GRIA1: variants seen among roughly 807,000 people sequenced by gnomAD.
The protein encoded by GRIA1 is glutamate receptor 1.
Under a neutral mutation model 99.2 loss-of-function variants are expected in GRIA1, and 31 were observed. That is an observed-to-expected ratio of 0.31 (90% CI 0.23 to 0.42). GRIA1 has a LOEUF of 0.42. GRIA1 is among the 10% of genes least tolerant of loss of function. The pLI is 1.00. For synonymous variants in GRIA1, 438 were observed against 432.4 expected (o/e 1.01, Z -0.16); for missense variants, 782 against 1,157.5 (o/e 0.68, Z 4.71).
intron 11 of GRIA1, among the ~76,000 whole-genome samples, chr5:153,709,638 C>G (rs919668599): frequency 3.3e-5 from 5 of 152,144 alleles, no homozygotes; most frequent in African/African-American, 9.7e-5. Context: ...ATTATCTTGG[C>G]CTTTTCTTCT....
At chr5:153,709,377 T>C (rs1759148529) in intron 11 of GRIA1, among the ~76,000 whole-genome samples, 1 of 152,232 alleles carries the variant, frequency 6.6e-6, no homozygotes, top group Non-Finnish European at 1.5e-5. Flanking sequence ...TTCATCTGAA[T>C]TGCATATATC....
At chr5:153,631,199 G>C (rs1249464614) in intron 2 of GRIA1, among the ~76,000 whole-genome samples, 1 of 152,184 alleles carries the variant, frequency 6.6e-6, no homozygotes, top group Non-Finnish European at 1.5e-5. Flanking sequence ...TAATCAATGA[G>C]CTAATAAATG....
In GRIA1 at chr5:153,548,868, A is replaced by C. The variant is rs151210918; in HGVS notation, c.220+54803A>C. On this transcript the variant is annotated intron_variant, in intron 2 of 15. Coordinates refer to ENST00000285900, the MANE Select transcript of GRIA1 (RefSeq NM_000827.4). ...GTGTATGCACAGTTTTTCATTCTTCACTGTTATTATATTATGAGCATCTTT... is the reference window on the plus strand; with the variant it reads ...GTGTATGCACAGTTTTTCATTCTTCCCTGTTATTATATTATGAGCATCTTT... Among the ~76,000 whole-genome samples the C allele has an allele frequency of 7.2e-3, 1,088 of 152,126 alleles. 6 individuals are homozygous for C. The highest frequency in any genetic ancestry group is 0.011 in the Non-Finnish European group (747 of 67,990).
chr5:153,619,237 C>A (rs1766800102), intron 2 of GRIA1, among the ~76,000 whole-genome samples: 1 of 152,156 alleles, frequency 6.6e-6, no homozygotes, highest in Non-Finnish European at 1.5e-5. Context: ...GGGGCCATGT[C>A]TCCTATGAGT....
At chr5:153,686,177 A>G (rs200910192) in intron 7 of GRIA1, 48 bp from the exon 8 acceptor site, 8 of 1,346,916 alleles carry the variant, frequency 5.9e-6, no homozygotes, top group Admixed American at 1.7e-5. Flanking sequence ...GCAAACACAC[A>G]TAAAGTACAT....
rs139886114 is a variant in GRIA1, at chr5:153,591,936, G to A, written c.221-54992G>A. On this transcript the variant is annotated intron_variant, in intron 2 of 15. Coordinates refer to ENST00000285900, the MANE Select transcript of GRIA1 (RefSeq NM_000827.4). ...AGGAAAACATGCTTTAACTGTACCC[G>A]GAAGAAAAAGAAGTGGGCTACCCCT... Among the ~76,000 whole-genome samples the A allele has an allele frequency of 4.6e-3, 702 of 152,298 alleles. 7 individuals carry two copies. Among genetic ancestry groups the A allele is most frequent in the African/African-American group, 0.016 (647 of 41,560 alleles).
chr5:153,674,584 A>C lies in GRIA1; in HGVS notation c.784A>C (p.Ile262Leu). 2 of 1,614,106 alleles carry C rather than the reference A, an allele frequency of 1.2e-6. No homozygotes were observed. The highest frequency in any genetic ancestry group is 1.7e-6 in the Non-Finnish European group (2 of 1,179,980). Residue 262 changes from isoleucine to leucine, a missense_variant, in exon 6 of 16, where the codon ATT (isoleucine) becomes CTT (leucine). Around this residue, in one of 5 missense-constraint regions of GRIA1, gnomAD observed 461 missense variants for 521.7 expected, o/e 0.88. Coordinates refer to ENST00000285900, the MANE Select transcript of GRIA1 (RefSeq NM_000827.4). ...CCAGCTGGTGAACTACACAGACACT[A>C]TTCCGGCCAAGATCATGCAGCAGTG... ...GFQLVNYTDT[I>L]PAKIMQQWKN...
chr5:153,493,629 G>A (rs1214201093), intron 1 of GRIA1, among the ~76,000 whole-genome samples: 1 of 152,194 alleles, frequency 6.6e-6, no homozygotes, highest in Admixed American at 6.5e-5. Flanking sequence ...CACAAGGGAG[G>A]AAGAAGAGAA....
At chr5:153,558,306 A>G (rs924126365) in intron 2 of GRIA1, among the ~76,000 whole-genome samples, 35 of 152,186 alleles carry the variant, frequency 2.3e-4, no homozygotes, top group African/African-American at 8.2e-4. Context: ...TGACAAACCT[A>G]TATAGTCATT....
At chr5:153,606,922 T>C (rs1361737433) in intron 2 of GRIA1, among the ~76,000 whole-genome samples, 9 of 104,542 alleles carry the variant, frequency 8.6e-5, no homozygotes, top group Non-Finnish European at 1.4e-4. Flanking sequence ...ATGTGTAATT[T>C]TCTTTTCTTA....
At chr5:153,555,218 C>G (rs1265554476) in intron 2 of GRIA1, among the ~76,000 whole-genome samples, 3 of 151,462 alleles carry the variant, frequency 2.0e-5, no homozygotes, top group African/African-American at 7.3e-5. Flanking sequence ...TAAAAAAGAA[C>G]CAATAATGAT....
chr5:153,805,046 C>T (rs1581686937), intron 15 of GRIA1, among the ~76,000 whole-genome samples: 1 of 152,158 alleles, frequency 6.6e-6, no homozygotes, highest in South Asian at 2.1e-4. Context: ...GCCACCACAC[C>T]AGGCCTCTGA....
At chr5:153,615,794 C>T (rs912044489) in intron 2 of GRIA1, among the ~76,000 whole-genome samples, 1 of 152,266 alleles carries the variant, frequency 6.6e-6, no homozygotes, top group Admixed American at 6.5e-5. Context: ...TTCCTCATCC[C>T]CATCTCTAGA....
chr5:153,579,522 C>T (rs17519446), intron 2 of GRIA1, among the ~76,000 whole-genome samples: 16,167 of 152,096 alleles, frequency 0.11, 978 homozygotes, highest in South Asian at 0.26. Context: ...TAGTCATAGG[C>T]CCCCCGTTAC....
chr5:153,759,457 G>A (rs1763035829), intron 11 of GRIA1, among the ~76,000 whole-genome samples: 1 of 149,656 alleles, frequency 6.7e-6, no homozygotes, highest in African/African-American at 2.5e-5. Context: ...TAAAACCTAG[G>A]AAAAAAATAA....
At position 153,747,463 on chromosome 5, in the gene GRIA1, C is replaced by T. The variant is rs1391873926; in HGVS notation, c.1824-16971C>T. ...CATGAGATTTGGATGAGACGAACAT[C>T]CAAACTCTCTCAGGGGATACACCCA... On this transcript the variant is annotated intron_variant, in intron 11 of 15. Coordinates refer to ENST00000285900, the MANE Select transcript of GRIA1 (RefSeq NM_000827.4). Among the ~76,000 whole-genome samples the T allele has an allele frequency of 2.0e-5, 3 of 152,104 alleles. No individual in the cohort carries two copies. The East Asian group carries it at 5.8e-4, about 29-fold the overall frequency.
At chr5:153,501,131 G>A (rs527460005) in intron 2 of GRIA1, among the ~76,000 whole-genome samples, 10 of 152,272 alleles carry the variant, frequency 6.6e-5, no homozygotes, top group South Asian at 4.1e-4. Flanking sequence ...CATTCAGGGC[G>A]CATTCTGTAT....
chr5:153,541,244 T>C (rs1759064342), intron 2 of GRIA1, among the ~76,000 whole-genome samples: 1 of 152,220 alleles, frequency 6.6e-6, no homozygotes, highest in Non-Finnish European at 1.5e-5. Flanking sequence ...TGAGTAGACA[T>C]GAGCTTTTCC....
chr5:153,717,953 A>G (rs1759783023), intron 11 of GRIA1, among the ~76,000 whole-genome samples: 1 of 151,980 alleles, frequency 6.6e-6, no homozygotes, highest in African/African-American at 2.4e-5. Context: ...TTTCTCTTTC[A>G]CGTCTCATTT....
Sources: gnomAD v4.1 joint callset for allele counts (sites outside exome capture counted in the v4.1 genomes callset) on GRCh38, gnomAD v4.1.1 for gene constraint, gnomAD v4.1.1 regional missense constraint, MANE v1.5 for transcripts, NCBI Gene and HGNC (gene_info 2026-07-23, HGNC 2026-07-21) for gene names.